The following SEMA3F variants were observed in gnomAD, a reference collection of about 807,000 sequenced individuals.
The protein encoded by SEMA3F is semaphorin 3F.
SEMA3F carries 30 observed loss-of-function variants against 98.5 expected under a neutral mutation model. The ratio of observed to expected loss-of-function variants is 0.30; its 90% confidence interval spans 0.23 to 0.41. The LOEUF (loss-of-function observed/expected upper bound fraction) is 0.41. SEMA3F is among the 10% of genes least tolerant of loss of function. The pLI, the probability that SEMA3F is intolerant of heterozygous loss-of-function variation, is 1.00. For missense variants in SEMA3F, 866 were observed against 1,119.3 expected, an observed-to-expected ratio of 0.77 and a Z score of 3.23; for synonymous variants, 380 against 444.8, an observed-to-expected ratio of 0.85 and a Z score of 1.83.
At chr3:50,185,403 C>CCCAA in intron 13 of SEMA3F, 40 bp from the exon 14 acceptor site, 2 of 1,558,988 alleles carry the variant, frequency 1.3e-6, no homozygotes, top group Non-Finnish European at 1.8e-6. Flanking sequence ...CCTTCCCCAG[C>CCCAA]ATCCCCAGCC....
At chr3:50,175,722 C>T (rs1372384591) in intron 6 of SEMA3F, among the ~76,000 whole-genome samples, 3 of 133,180 alleles carry the variant, frequency 2.3e-5, no homozygotes, top group East Asian at 2.5e-4. Context: ...TGGGCAGGGG[C>T]GGGCAGGGGG....
At chr3:50,180,224 A>C (rs1194455294) in intron 7 of SEMA3F, among the ~76,000 whole-genome samples, 7 of 151,828 alleles carry the variant, frequency 4.6e-5, no homozygotes, top group Non-Finnish European at 1.5e-5. Flanking sequence ...ATCTTGGCTC[A>C]CTGCAACCTC....
At chr3:50,186,464 G>A in intron 17 of SEMA3F, 116 bp downstream of exon 17, 2 of 1,390,462 alleles carry the variant, frequency 1.4e-6, no homozygotes, top group South Asian at 2.5e-5. Context: ...AATGGAGGGT[G>A]GGGGCTAATG....
chr3:50,156,126 C>T lies in SEMA3F; in HGVS notation c.-49+562C>T, dbSNP rs1336995394. 6.6e-6 allele frequency: 1 copy of T among 152,434 alleles called. No individual in the cohort carries two copies. The allele number at this position is 152,434 out of a possible 1,614,324, so 9.4% of individuals were successfully genotyped here. A position where few individuals can be genotyped will look rare whatever the true frequency, so the allele number is the denominator to read the frequency against. On this transcript the variant is annotated intron_variant, in intron 1 of 18. Coordinates refer to ENST00000002829, the MANE Select transcript of SEMA3F (RefSeq NM_004186.5). The surrounding 1 kb of genome is among the most constrained non-coding windows in gnomAD (Gnocchi z 4.5). ...CCAGCCCCTTGACCCCCAGCTGCCA[C>T]CTTGGGTTTGCTTTTACAGCAGAGT...
Position 50,155,476 on chromosome 3 carries a change from G to A in SEMA3F, c.-137G>A, listed in dbSNP as rs1411350919. 8 of 309,344 alleles carry A rather than the reference G, an allele frequency of 2.6e-5. No homozygotes were observed. Among genetic ancestry groups the A allele is most frequent in the Non-Finnish European group, 4.1e-5 (7 of 169,876 alleles). The allele number at this position is 309,344 out of a possible 1,614,324, so 19.2% of individuals were successfully genotyped here. On this transcript the variant is annotated 5_prime_UTR_variant, in exon 1 of 19. Transcript: ENST00000002829. This position sits in a 1 kb window ranked among gnomAD's most constrained non-coding sequence, Gnocchi z 4.9. ...AGGTCGCGGGCAGGGCCATGGCCCC[G>A]GGGGGCCGCTAGCGCGGACCGGCCC...
Position 50,182,479 on chromosome 3 carries a change from G to C in SEMA3F, c.763+76G>C. 6 of 1,597,902 alleles carry C rather than the reference G, an allele frequency of 3.8e-6. No individual in the cohort carries two copies. The highest frequency in any genetic ancestry group is 1.1e-5 in the South Asian group (1 of 90,626). On this transcript the variant is annotated intron_variant, in intron 8 of 18. Coordinates refer to ENST00000002829, the MANE Select transcript of SEMA3F (RefSeq NM_004186.5). This position sits in a 1 kb window ranked among gnomAD's most constrained non-coding sequence, Gnocchi z 4.5. ...AAGGAGGTCGTAAAGAAGCACATGTGGGGGAAGTGGGGACATGTTTAGCCT... is the reference window on the plus strand; with the variant it reads ...AAGGAGGTCGTAAAGAAGCACATGTCGGGGAAGTGGGGACATGTTTAGCCT...
rs1699143140 is a variant in SEMA3F, at chr3:50,184,679, A to G, written c.1321A>G (p.Met441Val). The G allele has an allele frequency of 1.2e-6, 2 of 1,613,994 alleles. No individual in the cohort carries two copies. The highest frequency in any genetic ancestry group is 1.3e-5 in the African/African-American group (1 of 74,926). ...CAACTTCATGCGCAGCCACCCACTCATGTACCAGGCCGTGTACCCTCTGCA... is the reference window on the plus strand; with the variant it reads ...CAACTTCATGCGCAGCCACCCACTCGTGTACCAGGCCGTGTACCCTCTGCA... Reference protein sequence around the residue: ...VINFMRSHPLMYQAVYPLQRR... With the variant: ...VINFMRSHPLVYQAVYPLQRR... The change falls in exon 13 of 19, where the codon ATG (methionine) becomes GTG (valine). Residue 441 changes from methionine to valine, a missense_variant. Physicochemically the swap from Met to Val is conservative, Grantham distance 21. This residue lies in a region of SEMA3F where 374 missense variants were observed against 582.8 expected (regional missense o/e 0.64). Transcript: ENST00000002829.
At position 50,173,941 on chromosome 3, in the gene SEMA3F, C is replaced by A. The variant is rs771554773; in HGVS notation, c.261C>A (p.Arg87=). The A allele has an allele frequency of 6.2e-7, 1 of 1,613,990 alleles. No individual in the cohort carries two copies. Among genetic ancestry groups the A allele is most frequent in the Admixed American group, 1.7e-5 (1 of 60,004 alleles). ...VLSLDLHDIN[R]EPLIIHWAAS... is the part of the protein sequence containing the mutation. ...CCCTGGACCTGCACGACATCAACCG[C>A]GAGCCCCTCATTGTAAGGGCTGGCC... Residue 87 remains arginine, a synonymous_variant, in exon 3 of 19, where the codon CGC becomes CGA. Coordinates refer to ENST00000002829, the MANE Select transcript of SEMA3F (RefSeq NM_004186.5).
chr3:50,183,882 C>A (rs563004669), intron 12 of SEMA3F, among the ~76,000 whole-genome samples: 35 of 152,096 alleles, frequency 2.3e-4, no homozygotes, highest in Non-Finnish European at 4.0e-4. Flanking sequence ...GTTGGCTCAG[C>A]TGAGGAACAG....
intron 1 of SEMA3F, among the ~76,000 whole-genome samples, chr3:50,157,724 T>A (rs1698043669): frequency 6.6e-6 from 1 of 152,058 alleles, no homozygotes; most frequent in African/African-American, 2.4e-5. Context: ...CCAAAGCATT[T>A]GGATGGGAAG....
At position 50,185,722 on chromosome 3, in the gene SEMA3F, A is replaced by T. The variant is rs745681837; in HGVS notation, c.1587+15A>T. On this transcript the variant is annotated intron_variant, in intron 15 of 18. Transcript: ENST00000002829. ...CTTCTAAGAGGGTAAGCCTTTGGCG[A>T]GGTGAGCCAAGGTTGGGGACAGGGC... 14 of 1,614,110 alleles carry T rather than the reference A, an allele frequency of 8.7e-6. No homozygotes were observed. In the South Asian group the frequency reaches 1.5e-4, roughly 18 times the overall value.
chr3:50,155,095 G>C (rs889061807), upstream of SEMA3F: 3 of 408,192 alleles, frequency 7.3e-6, no homozygotes, highest in East Asian at 4.5e-5. This position sits in a 1 kb window ranked among gnomAD's most constrained non-coding sequence, Gnocchi z 4.9. Flanking sequence ...AGACCAGAGC[G>C]AGCGAACGAA....
Position 50,182,746 on chromosome 3 carries a change from G to A in SEMA3F, c.866G>A (p.Ser289Asn). Residue 289 changes from serine (S) to asparagine (N), a missense_variant, in exon 9 of 19, where the codon AGC becomes AAC. Ser to Asn is a conservative substitution (Grantham distance 46). This residue lies in a region of SEMA3F where 374 missense variants were observed against 582.8 expected (regional missense o/e 0.64). Coordinates refer to ENST00000002829, the MANE Select transcript of SEMA3F (RefSeq NM_004186.5). This position sits in a 1 kb window ranked among gnomAD's most constrained non-coding sequence, Gnocchi z 4.5. Reference sequence around the variant, plus strand: ...GAGCGGTCGGCAGAGGCGCCGCAGAGCCCCGCGGTGTACGCCCGCATCGGG... The same window carrying A: ...GAGCGGTCGGCAGAGGCGCCGCAGAACCCCGCGGTGTACGCCCGCATCGGG... ...FRERSAEAPQ[S>N]PAVYARIGRI... The A allele has an allele frequency of 6.2e-7, 1 of 1,613,298 alleles. No homozygotes were observed. Among genetic ancestry groups the A allele is most frequent in the South Asian group, 1.1e-5 (1 of 91,090 alleles).
chr3:50,175,060 A>G, intron 5 of SEMA3F, 36 bp from the exon 6 acceptor site: 1 of 1,135,914 alleles, frequency 8.8e-7, no homozygotes, highest in African/African-American at 1.6e-5. Flanking sequence ...AGCCCCTGCC[A>G]CCCCCAGCTC....
chr3:50,187,914 C>A lies in SEMA3F; in HGVS notation c.2157C>A (p.Gly719=). ...CCATGAGCGCCCCGCCACCCCCAGG[C>A]GCAGGCCCCCCAACGCCTCCTTACC... ...PLSMSAPPPP[G]AGPPTPPYQE... Residue 719 remains glycine, a synonymous_variant, in exon 19 of 19, where the codon GGC becomes GGA. Coordinates refer to ENST00000002829, the MANE Select transcript of SEMA3F (RefSeq NM_004186.5). 6 of 1,608,334 alleles carry A rather than the reference C, an allele frequency of 3.7e-6. No homozygotes were observed. Among genetic ancestry groups the A allele is most frequent in the Non-Finnish European group, 5.1e-6 (6 of 1,177,102 alleles).
chr3:50,175,482 A>G (rs1320610018), intron 6 of SEMA3F, among the ~76,000 whole-genome samples: 1 of 152,248 alleles, frequency 6.6e-6, no homozygotes, highest in Non-Finnish European at 1.5e-5. Flanking sequence ...GTGTAGACAC[A>G]CAAGAGCACA....
chr3:50,172,313 A>G (rs950299994), intron 2 of SEMA3F, among the ~76,000 whole-genome samples: 10 of 152,194 alleles, frequency 6.6e-5, no homozygotes, highest in African/African-American at 2.4e-4. Context: ...GTGAATATTC[A>G]TCATCCTCAT....
At chr3:50,168,558 C>G (rs1375339542) in intron 2 of SEMA3F, among the ~76,000 whole-genome samples, 2 of 152,160 alleles carry the variant, frequency 1.3e-5, no homozygotes, top group Non-Finnish European at 2.9e-5. Flanking sequence ...CCTGCCCCCC[C>G]GCTTAGCTTG....
chr3:50,187,885 C>T lies in SEMA3F; in HGVS notation c.2128C>T (p.Leu710=). The part of the protein sequence containing the change: ...DAVHAALFPP[L]SMSAPPPPGA... ...CGTCCATGCTGCCCTCTTCCCACCA[C>T]TGTCCATGAGCGCCCCGCCACCCCC... Residue 710 remains leucine (L), a synonymous_variant, in exon 19 of 19, where the codon CTG becomes TTG. Coordinates refer to ENST00000002829, the MANE Select transcript of SEMA3F (RefSeq NM_004186.5). The T allele has an allele frequency of 6.2e-7, 1 of 1,611,948 alleles. No individual in the cohort carries two copies. The highest frequency in any genetic ancestry group is 1.7e-5 in the Admixed American group (1 of 59,994).
Sources: allele counts gnomAD v4.1 joint callset (sites outside exome capture counted in the v4.1 genomes callset), GRCh38; gene constraint gnomAD v4.1.1; regional missense constraint gnomAD v4.1.1; non-coding constraint Gnocchi (gnomAD v3.1); transcripts MANE v1.5; gene names NCBI Gene and HGNC (gene_info 2026-07-23, HGNC 2026-07-21).